SUPT16H: variants seen among roughly 807,000 people sequenced by gnomAD.
SUPT16H encodes FACT complex subunit SPT16.
Under a neutral mutation model 136.2 loss-of-function variants are expected in SUPT16H, and 24 were observed. The ratio of observed to expected loss-of-function variants is 0.18; its 90% confidence interval spans 0.13 to 0.25. The LOEUF (loss-of-function observed/expected upper bound fraction) is 0.25, where lower values mean the gene tolerates loss of function less well. Among genes scored for constraint, SUPT16H ranks in the 10% least tolerant of loss-of-function variants. The probability of loss-of-function intolerance (pLI) is 1.00; values close to 1 mark genes in which losing one functional copy is unlikely to be tolerated. For missense variants in SUPT16H, 623 were observed against 1,270.2 expected (o/e 0.49, Z 7.74); for synonymous variants, 415 against 428.2 (o/e 0.97, Z 0.38).
At chr14:21,363,170 T>C (rs768764200) in intron 12 of SUPT16H, 21 bp from the exon 13 acceptor site, 6 of 1,613,828 alleles carry the variant, frequency 3.7e-6, no homozygotes, top group Non-Finnish European at 3.4e-6. Flanking sequence ...GAAAATCCAA[T>C]TTATCACAAC....
chr14:21,373,514 T>TA, intron 1 of SUPT16H, 84 bp from the exon 2 acceptor site: 1 of 1,012,584 alleles, frequency 9.9e-7, no homozygotes, highest in South Asian at 1.3e-5. Flanking sequence ...AGGACAGGCA[T>TA]AATTTTCTCC....
Position 21,373,382 on chromosome 14 carries a change from C to T in SUPT16H, c.115G>A (p.Gly39Ser), listed in dbSNP as rs1267907992. Residue 39 changes from glycine (G) to serine (S), a missense_variant, in exon 2 of 26, where the codon GGT (glycine) becomes AGT (serine). By Grantham distance (56) the Gly-to-Ser change is moderately conservative. This residue lies in a region of SUPT16H where 343 missense variants were observed against 525.7 expected (regional missense o/e 0.65). Coordinates refer to ENST00000216297, the MANE Select transcript of SUPT16H (RefSeq NM_007192.4). Reference sequence around the variant, plus strand: ...GCATAAACAATTTCTTCATCAACACCCACTGATACAACAATGGCATCAACG... The same window carrying T: ...GCATAAACAATTTCTTCATCAACACTCACTGATACAACAATGGCATCAACG... ...ANVDAIVVSVGVDEEIVYAKS... is the reference protein window; with the variant it reads ...ANVDAIVVSVSVDEEIVYAKS... 1.9e-6 allele frequency: 3 copies of T among 1,614,108 alleles called. No individual in the cohort carries two copies. Among genetic ancestry groups the T allele is most frequent in the Non-Finnish European group, 2.5e-6 (3 of 1,179,998 alleles).
chr14:21,359,727 C>T, intron 18 of SUPT16H, 118 bp from the exon 19 acceptor site: 1 of 1,165,712 alleles, frequency 8.6e-7, no homozygotes, highest in Non-Finnish European at 1.2e-6. Flanking sequence ...ATTAAACCAC[C>T]CCTGGTGTCA....
chr14:21,361,251 T>C, intron 15 of SUPT16H, 38 bp from the exon 16 acceptor site: 1 of 1,610,274 alleles, frequency 6.2e-7, no homozygotes, highest in Non-Finnish European at 8.5e-7. Flanking sequence ...CATTTCTTTT[T>C]CAGGCCAGGG....
intron 10 of SUPT16H, 79 bp downstream of exon 10, chr14:21,364,748 A>C: frequency 7.8e-7 from 1 of 1,277,344 alleles, no homozygotes; most frequent in Non-Finnish European, 1.1e-6. Flanking sequence ...TTAACAAAGC[A>C]AGAAAAAAAC....
At chr14:21,359,225 C>T (rs1224486857) in intron 19 of SUPT16H, among the ~76,000 whole-genome samples, 2 of 152,066 alleles carry the variant, frequency 1.3e-5, no homozygotes, top group Non-Finnish European at 1.5e-5. Flanking sequence ...AGCCTCCCGA[C>T]TAGCTGGGAC....
chr14:21,363,772 G>A (rs920999629), intron 10 of SUPT16H, among the ~76,000 whole-genome samples: 4 of 151,976 alleles, frequency 2.6e-5, no homozygotes, highest in Admixed American at 6.6e-5. Context: ...TCCGCCTCCC[G>A]GATTCAAGTG....
chr14:21,382,764 GTTC>G (rs1234968357), intron 1 of SUPT16H, among the ~76,000 whole-genome samples: 16 of 152,108 alleles, frequency 1.1e-4, no homozygotes, highest in South Asian at 2.1e-4. Flanking sequence ...CTAGCATTTA[GTTC>G]TTATTTTTCC....
Position 21,371,983 on chromosome 14 carries a change from A to G in SUPT16H, c.221T>C (p.Ile74Thr), listed in dbSNP as rs761769909. 5.6e-5 allele frequency: 91 copies of G among 1,614,008 alleles called. No homozygotes were observed. The Admixed American group carries it at 1.5e-3, about 27-fold the overall frequency. ...TIMVFCDDKI[I>T]FMASKKKVEF... The stretch of plus-strand genomic sequence containing the variant: ...CACTTTTTTCTTGCTGGCCATAAAG[A>G]TGATTTTGTCATCACAAAAGACCAT... The change falls in exon 3 of 26, where the codon ATC (isoleucine) becomes ACC (threonine). Residue 74 changes from isoleucine (I) to threonine (T), a missense_variant. Around this residue, in one of 7 missense-constraint regions of SUPT16H, gnomAD observed 343 missense variants for 525.7 expected, o/e 0.65. Coordinates refer to ENST00000216297, the MANE Select transcript of SUPT16H (RefSeq NM_007192.4).
At chr14:21,361,044 T>G in intron 16 of SUPT16H, 34 bp downstream of exon 16, 1 of 1,611,004 alleles carries the variant, frequency 6.2e-7, no homozygotes, top group Non-Finnish European at 8.5e-7. Context: ...TGTCCTTCTT[T>G]GTGTAAGAAT....
Position 21,353,816 on chromosome 14 carries a change from T to C in SUPT16H, c.2807A>G (p.Glu936Gly). 8 of 1,613,690 alleles carry C rather than the reference T, an allele frequency of 5.0e-6. No individual in the cohort carries two copies. Among genetic ancestry groups the C allele is most frequent in the Non-Finnish European group, 6.8e-6 (8 of 1,179,880 alleles). Reference protein sequence around the residue: ...EPEGEGSDAEEGDSESEIEDE... With the variant: ...EPEGEGSDAEGGDSESEIEDE... The stretch of plus-strand genomic sequence containing the variant: ...TTCAATTTCAGACTCTGAATCCCCT[T>C]CTTCAGCATCACTCCCCTGGTGAGT... The change falls in exon 24 of 26, where the codon GAA (glutamate) becomes GGA (glycine). Residue 936 changes from glutamate to glycine, a missense_variant. Transcript: ENST00000216297.
chr14:21,359,547 C>G lies in SUPT16H; in HGVS notation c.2238G>C (p.Glu746Asp). 1 of 1,614,192 alleles carries G rather than the reference C, an allele frequency of 6.2e-7. No individual in the cohort carries two copies. ...TDVQFYTEVG[E>D]ITTDLGKHQH... ...GATGTTTCCCCAAGTCCGTGGTTAT[C>G]TCTCCCACTTCTGTGTAGAACTGCA... The change falls in exon 19 of 26, where the codon GAG (glutamate) becomes GAC (aspartate). Residue 746 changes from glutamate (E) to aspartate (D), a missense_variant. By Grantham distance (45) the Glu-to-Asp change is conservative. Transcript: ENST00000216297.
intron 3 of SUPT16H, 142 bp from the exon 4 acceptor site, chr14:21,370,630 G>A: frequency 2.2e-6 from 2 of 897,898 alleles, no homozygotes; most frequent in Non-Finnish European, 3.3e-6. Flanking sequence ...TACTTTTAAA[G>A]AGACAGGGTC....
chr14:21,362,164 T>C (rs1314151390), intron 15 of SUPT16H, 33 bp downstream of exon 15: 1 of 1,603,564 alleles, frequency 6.2e-7, no homozygotes. Context: ...CCAGACAAGA[T>C]GAATCTGGGT....
At chr14:21,380,875 A>G (rs1432997146) in intron 1 of SUPT16H, among the ~76,000 whole-genome samples, 2 of 151,702 alleles carry the variant, frequency 1.3e-5, no homozygotes, top group Non-Finnish European at 2.9e-5. Context: ...GACCAGCACT[A>G]ATCATATTAC....
chr14:21,352,718 A>G lies in SUPT16H; in HGVS notation c.3099T>C (p.Arg1033=), dbSNP rs1219140812. Residue 1033 remains arginine, a synonymous_variant, in exon 26 of 26, where the codon CGT becomes CGC. Coordinates refer to ENST00000216297, the MANE Select transcript of SUPT16H (RefSeq NM_007192.4). ...GGGGTGCAGAGCTGTGTCTGGAACC[A>G]CGGTTAGAGCCACGGCCCGAACTGT... ...SVHSSGRGSN[R]GSRHSSAPPK... The G allele has an allele frequency of 1.2e-6, 2 of 1,613,966 alleles. No individual in the cohort carries two copies. The highest frequency in any genetic ancestry group is 2.7e-5 in the African/African-American group (2 of 74,896).
At chr14:21,382,587 G>T (rs1257213271) in intron 1 of SUPT16H, among the ~76,000 whole-genome samples, 2 of 152,158 alleles carry the variant, frequency 1.3e-5, no homozygotes, top group Non-Finnish European at 2.9e-5. Context: ...GTACAAGAGA[G>T]GGCTTCGGAT....
intron 14 of SUPT16H, 21 bp downstream of exon 14, chr14:21,362,773 T>C (rs1359200647): frequency 6.3e-7 from 1 of 1,584,554 alleles, no homozygotes; most frequent in Non-Finnish European, 8.5e-7. Context: ...GGATGAAACC[T>C]GATGCACTGA....
intron 1 of SUPT16H, among the ~76,000 whole-genome samples, chr14:21,379,158 G>A (rs1167137157): frequency 6.6e-6 from 1 of 152,164 alleles, no homozygotes; most frequent in Non-Finnish European, 1.5e-5. Flanking sequence ...ATCTAGGGCT[G>A]GGTGTGATGG....
Sources: gnomAD v4.1 joint callset for allele counts (sites outside exome capture counted in the v4.1 genomes callset) on GRCh38, gnomAD v4.1.1 for gene constraint, gnomAD v4.1.1 regional missense constraint, MANE v1.5 for transcripts, NCBI Gene and HGNC (gene_info 2026-07-23, HGNC 2026-07-21) for gene names.